The following NEB variants were observed in gnomAD, a reference collection of about 807,000 sequenced individuals.
The protein encoded by NEB is nebulin, also known as nemaline myopathy type 2.
NEB carries 512 observed loss-of-function variants against 952.2 expected under a neutral mutation model. The ratio of observed to expected loss-of-function variants is 0.54; its 90% confidence interval spans 0.50 to 0.58. NEB has a LOEUF of 0.58. NEB is among the 20% of genes least tolerant of loss of function. NEB has a pLI of 0.00. For synonymous variants in NEB, 2,900 were observed against 3,149.8 expected (o/e 0.92, Z 2.66); for missense variants, 8,428 against 9,231.1 (o/e 0.91, Z 3.56).
At chr2:151,525,132 G>T in intron 151 of NEB, 31 bp downstream of exon 151, 1 of 1,469,178 alleles carries the variant, frequency 6.8e-7, no homozygotes, top group Non-Finnish European at 9.5e-7. Flanking sequence ...CTTCAAATGG[G>T]CCCCCAAGAG....
At chr2:151,728,839 C>G (rs1267095317) in intron 4 of NEB, among the ~76,000 whole-genome samples, 1 of 152,128 alleles carries the variant, frequency 6.6e-6, no homozygotes, top group East Asian at 1.9e-4. Context: ...CAAAAACCCC[C>G]TCTAGTGTTG....
At chr2:151,544,689 T>G (rs2094483755) in intron 135 of NEB, among the ~76,000 whole-genome samples, 1 of 152,254 alleles carries the variant, frequency 6.6e-6, no homozygotes, top group African/African-American at 2.4e-5. Flanking sequence ...CCTCTGATTC[T>G]GGCTCACTGA....
chr2:151,538,307 T>A (rs930172680), intron 138 of NEB, 63 bp from the exon 139 acceptor site: 2 of 1,238,436 alleles, frequency 1.6e-6, no homozygotes, highest in Non-Finnish European at 2.4e-6. Flanking sequence ...TGAGCTCTTT[T>A]AAGCATGAAC....
In NEB at chr2:151,502,862, C is replaced by T; in HGVS notation, c.23859G>A (p.Gly7953=). 1 of 1,600,894 alleles carries T rather than the reference C, an allele frequency of 6.2e-7. No homozygotes were observed. Among genetic ancestry groups the T allele is most frequent in the Non-Finnish European group, 8.5e-7 (1 of 1,173,574 alleles). Residue 7953 remains glycine, a synonymous_variant, in exon 167 of 182, where the codon GGG becomes GGA. Coordinates refer to ENST00000397345, the MANE Select transcript of NEB (RefSeq NM_001164508.2). ...FSSVLYKENL[G]KGIPTPITPE... ...GAGTGATAGGTGTTGGGATTCCTTT[C>T]CCCAAATTTTCTTTGTACAAAACCT...
At position 151,692,257 on chromosome 2, in the gene NEB, G is replaced by A. The variant is rs763334937; in HGVS notation, c.1998+4C>T. On this transcript the variant is annotated splice_donor_region_variant and intron_variant, in intron 21 of 181. Coordinates refer to ENST00000397345, the MANE Select transcript of NEB (RefSeq NM_001164508.2). ...ACCCGAAAGGTAACCGTGGCTTTTCGAACCTCACTGAAGTTCTTCAGCTGA... is the reference window on the plus strand; with the variant it reads ...ACCCGAAAGGTAACCGTGGCTTTTCAAACCTCACTGAAGTTCTTCAGCTGA... The A allele has an allele frequency of 8.1e-6, 13 of 1,612,982 alleles. No homozygotes were observed. Among genetic ancestry groups the A allele is most frequent in the African/African-American group, 4.0e-5 (3 of 75,012 alleles).
intron 61 of NEB, 83 bp from the exon 62 acceptor site, chr2:151,640,143 C>A: frequency 1.3e-6 from 2 of 1,521,222 alleles, no homozygotes; most frequent in Non-Finnish European, 1.8e-6. Context: ...CAAGTAAAAG[C>A]ACTCTCAAAA....
At chr2:151,664,298 C>A (rs1193290767) in intron 44 of NEB, among the ~76,000 whole-genome samples, 5 of 152,192 alleles carry the variant, frequency 3.3e-5, no homozygotes, top group Non-Finnish European at 1.5e-5. Flanking sequence ...CTTATTTTAA[C>A]AAGACTCAGT....
At chr2:151,500,642 G>T (rs1575187522) in intron 168 of NEB, among the ~76,000 whole-genome samples, 1 of 146,058 alleles carries the variant, frequency 6.8e-6, no homozygotes, top group East Asian at 2.0e-4. Context: ...TGTTGCCTAG[G>T]CTGGAGTACA....
rs758655350 is a variant in NEB, at chr2:151,662,256, T to C, written c.5849A>G (p.Lys1950Arg). 7.7e-5 allele frequency: 124 copies of C among 1,613,506 alleles called. No homozygotes were observed. Among genetic ancestry groups the C allele is most frequent in the Non-Finnish European group, 1.0e-4 (120 of 1,179,664 alleles). The change falls in exon 46 of 182, where the codon AAA becomes AGA. Residue 1950 changes from lysine to arginine, a missense_variant. Lys to Arg is a conservative substitution (Grantham distance 26, BLOSUM62 2). This residue lies in a region of NEB where 2,851 missense variants were observed against 2,791.5 expected (regional missense o/e 1.02). Transcript: ENST00000397345. ...CTTTTCACTAATAATCTCCATGGCT[T>C]TCTTGTTTTTCTCTGCTTCCAGGGA... Reference protein sequence around the residue: ...LGSLEAEKNKKAMEIISEKKY... With the variant: ...LGSLEAEKNKRAMEIISEKKY...
At chr2:151,722,585 C>A (rs1259690302) in intron 9 of NEB, among the ~76,000 whole-genome samples, 1 of 152,042 alleles carries the variant, frequency 6.6e-6, no homozygotes, top group Non-Finnish European at 1.5e-5. Flanking sequence ...TCGCTGTTGC[C>A]CAGGCTGGAG....
intron 162 of NEB, 73 bp downstream of exon 162, chr2:151,507,932 G>A: frequency 9.4e-7 from 1 of 1,062,286 alleles, no homozygotes. Context: ...TGCAAGCCTG[G>A]GATATCCAGA....
chr2:151,561,637 C>T (rs2096069850), intron 121 of NEB, among the ~76,000 whole-genome samples: 2 of 147,574 alleles, frequency 1.4e-5, no homozygotes, highest in South Asian at 4.3e-4. Context: ...TTTTAGGGTA[C>T]ATGTGCACAA....
intron 143 of NEB, 105 bp from the exon 144 acceptor site, chr2:151,532,001 T>C (rs1460472248): frequency 3.0e-6 from 2 of 659,810 alleles, no homozygotes; most frequent in African/African-American, 3.7e-5. Context: ...TATCTAGCTT[T>C]CTCTTTAATT....
chr2:151,677,869 C>G lies in NEB; in HGVS notation c.3567+7G>C, dbSNP rs754580455. On this transcript the variant is annotated splice_region_variant and intron_variant, in intron 33 of 181. Coordinates refer to ENST00000397345, the MANE Select transcript of NEB (RefSeq NM_001164508.2). ...GGGGGGTTTCTTGAGAAGTAAATGACACTTACATCACTCTGTATCTGCATC... is the reference window on the plus strand; with the variant it reads ...GGGGGGTTTCTTGAGAAGTAAATGAGACTTACATCACTCTGTATCTGCATC... 55 of 1,606,638 alleles carry G rather than the reference C, an allele frequency of 3.4e-5. No homozygotes were observed. Among genetic ancestry groups the G allele is most frequent in the Non-Finnish European group, 4.6e-5 (54 of 1,175,576 alleles).
intron 60 of NEB, among the ~76,000 whole-genome samples, chr2:151,641,789 G>T (rs996283145): frequency 1.3e-5 from 2 of 152,120 alleles, no homozygotes; most frequent in Non-Finnish European, 2.9e-5. Context: ...GAAATGGAAA[G>T]ATAAAAATTT....
chr2:151,529,085 G>T, intron 146 of NEB, 125 bp downstream of exon 146: 2 of 709,764 alleles, frequency 2.8e-6, no homozygotes, highest in Non-Finnish European at 5.1e-6. Flanking sequence ...TGCTCCTGGG[G>T]CCTGACTCTT....
At chr2:151,615,856 T>C (rs2098176341) in intron 76 of NEB, 146 bp downstream of exon 76, 3 of 650,850 alleles carry the variant, frequency 4.6e-6, no homozygotes, top group Non-Finnish European at 7.9e-6. Context: ...TTTCTTTTTT[T>C]CCATTTACAA....
At position 151,501,372 on chromosome 2, in the gene NEB, A is replaced by C; in HGVS notation, c.24021+19T>G. On this transcript the variant is annotated intron_variant, in intron 168 of 181. Transcript: ENST00000397345. ...TTATTATTTTTTAATATGGAGTTAA[A>C]GAGCTTTCTCCCAAATACCGAGCTA... is the stretch of plus-strand genomic sequence containing the variant. 6.8e-7 allele frequency: 1 copy of C among 1,470,524 alleles called. No individual in the cohort carries two copies. The highest frequency in any genetic ancestry group is 9.3e-7 in the Non-Finnish European group (1 of 1,073,922). The allele number at this position is 1,470,524 out of a possible 1,614,324, so 91.1% of individuals were successfully genotyped here.
At chr2:151,535,657 A>G in intron 142 of NEB, 34 bp downstream of exon 142, 1 of 1,347,628 alleles carries the variant, frequency 7.4e-7, no homozygotes, top group Admixed American at 2.0e-5. Context: ...AGGGAATTGA[A>G]TAGGCTTAAT....
Sources: gnomAD v4.1 joint callset for allele counts (sites outside exome capture counted in the v4.1 genomes callset) on GRCh38, gnomAD v4.1.1 for gene constraint, gnomAD v4.1.1 regional missense constraint, MANE v1.5 for transcripts, NCBI Gene and HGNC (gene_info 2026-07-23, HGNC 2026-07-21) for gene names.